Variants in BRD7 observed in about 807,000 individuals in gnomAD.
The protein encoded by BRD7 is bromodomain containing 7.
BRD7 carries 15 observed loss-of-function variants against 82.1 expected under a neutral mutation model. That is an observed-to-expected ratio of 0.18 (90% CI 0.12 to 0.28). BRD7 has a LOEUF of 0.28. Ranked by LOEUF, BRD7 falls within the 10% of genes least tolerant of loss-of-function variation. BRD7 has a pLI of 1.00. For missense variants in BRD7, 638 were observed against 779.9 expected, an observed-to-expected ratio of 0.82 and a Z score of 2.17; for synonymous variants, 232 against 266.9, an observed-to-expected ratio of 0.87 and a Z score of 1.27.
chr16:50,357,281 T>G (rs2038772449), intron 2 of BRD7, among the ~76,000 whole-genome samples: 1 of 152,188 alleles, frequency 6.6e-6, no homozygotes, highest in African/African-American at 2.4e-5. Flanking sequence ...GATCTAGAGC[T>G]CTGCACTCTA....
chr16:50,346,866 T>C (rs1178251446), intron 5 of BRD7, among the ~76,000 whole-genome samples: 4 of 152,228 alleles, frequency 2.6e-5, no homozygotes, highest in Non-Finnish European at 5.9e-5. Flanking sequence ...TCTGAAACTA[T>C]TCCAATCAAT....
At chr16:50,362,151 T>C (rs2038958084) in intron 2 of BRD7, among the ~76,000 whole-genome samples, 1 of 152,190 alleles carries the variant, frequency 6.6e-6, no homozygotes, top group Non-Finnish European at 1.5e-5. Flanking sequence ...CCAACTCAAA[T>C]GCTGCTTCTT....
At chr16:50,327,427 T>G (rs1007165659) in intron 9 of BRD7, among the ~76,000 whole-genome samples, 2 of 152,222 alleles carry the variant, frequency 1.3e-5, no homozygotes, top group African/African-American at 4.8e-5. Flanking sequence ...GAAAGAGCAA[T>G]GTTCTCAATC....
At chr16:50,339,555 T>C (rs1432953652) in intron 6 of BRD7, among the ~76,000 whole-genome samples, 2 of 152,202 alleles carry the variant, frequency 1.3e-5, no homozygotes, top group African/African-American at 4.8e-5. Flanking sequence ...GTATATACAG[T>C]ATTATGCAGC....
At chr16:50,349,981 G>C in intron 5 of BRD7, 42 bp downstream of exon 5, 1 of 1,460,202 alleles carries the variant, frequency 6.8e-7, no homozygotes, top group Non-Finnish European at 9.1e-7. Context: ...CAGACATGCA[G>C]ATTTCTACCA....
At chr16:50,331,850 A>AC (rs758725372) in intron 8 of BRD7, among the ~76,000 whole-genome samples, 10 of 152,224 alleles carry the variant, frequency 6.6e-5, no homozygotes, top group African/African-American at 2.2e-4. Context: ...CATACATACA[A>AC]CCGACTGATC....
intron 7 of BRD7, among the ~76,000 whole-genome samples, chr16:50,334,000 T>C (rs888646849): frequency 1.3e-5 from 2 of 152,244 alleles, no homozygotes; most frequent in African/African-American, 2.4e-5. Context: ...GAGAACAATA[T>C]ACCATTGTTC....
At chr16:50,320,477 T>A in intron 14 of BRD7, 86 bp from the exon 15 acceptor site, 1 of 1,543,376 alleles carries the variant, frequency 6.5e-7, no homozygotes, top group Non-Finnish European at 8.8e-7. Flanking sequence ...TAATTATTGG[T>A]TAGCCTTCTC....
At chr16:50,368,576 G>A (rs2039246562) in intron 1 of BRD7, 150 bp downstream of exon 1, 1 of 815,710 alleles carries the variant, frequency 1.2e-6, no homozygotes, top group Non-Finnish European at 1.8e-6. Context: ...ACGGGGGGCA[G>A]CGCGGCCTCC....
intron 11 of BRD7, among the ~76,000 whole-genome samples, chr16:50,324,887 G>T (rs1344977616): frequency 6.6e-6 from 1 of 152,184 alleles, no homozygotes; most frequent in African/African-American, 2.4e-5. Context: ...GGCTGGTGAG[G>T]TCTAAAAGAT....
At chr16:50,349,726 T>C (rs1012615426) in intron 5 of BRD7, 13 of 423,668 alleles carry the variant, frequency 3.1e-5, no homozygotes, top group African/African-American at 8.4e-5. Flanking sequence ...TTTACTTGTA[T>C]TGATCTAAGC....
chr16:50,360,313 T>A (rs187509536), intron 2 of BRD7, among the ~76,000 whole-genome samples: 1 of 152,250 alleles, frequency 6.6e-6, no homozygotes, highest in African/African-American at 2.4e-5. Flanking sequence ...TAGTAATAAG[T>A]ACTGTCCTTC....
At chr16:50,319,742 T>C in intron 16 of BRD7, 145 bp downstream of exon 16, 3 of 992,288 alleles carry the variant, frequency 3.0e-6, no homozygotes, top group Admixed American at 4.9e-5. Context: ...ACCTTTTATG[T>C]TAGGGACTTG....
chr16:50,339,843 T>C (rs1223960801), intron 6 of BRD7, 133 bp downstream of exon 6: 7 of 437,526 alleles, frequency 1.6e-5, no homozygotes, highest in Non-Finnish European at 2.8e-5. Flanking sequence ...ATTTAGTATT[T>C]TCTACTTTAT....
intron 2 of BRD7, among the ~76,000 whole-genome samples, chr16:50,361,198 T>C (rs184291702): frequency 6.6e-6 from 1 of 152,362 alleles, no homozygotes; most frequent in Non-Finnish European, 1.5e-5. Flanking sequence ...GGATGTTAGT[T>C]ATGAGTCTGC....
At chr16:50,345,649 A>G (rs1189595699) in intron 5 of BRD7, among the ~76,000 whole-genome samples, 2 of 152,070 alleles carry the variant, frequency 1.3e-5, no homozygotes, top group African/African-American at 4.8e-5. Flanking sequence ...CTTTAAACCA[A>G]CAAAGATCAA....
chr16:50,352,205 T>C (rs1036038815), intron 4 of BRD7, among the ~76,000 whole-genome samples: 5 of 152,224 alleles, frequency 3.3e-5, no homozygotes, highest in African/African-American at 1.2e-4. Flanking sequence ...ATGGGTAATG[T>C]GCTGATGTTG....
chr16:50,338,205 G>C (rs892800121), intron 6 of BRD7, among the ~76,000 whole-genome samples: 10 of 152,158 alleles, frequency 6.6e-5, no homozygotes, highest in Admixed American at 1.3e-4. Flanking sequence ...TAGATTCTGA[G>C]AGTCTTCCTG....
intron 9 of BRD7, among the ~76,000 whole-genome samples, chr16:50,327,970 C>T (rs2037408815): frequency 1.3e-5 from 2 of 151,676 alleles, no homozygotes; most frequent in South Asian, 2.1e-4. Context: ...TATTCATTTT[C>T]GTATTTCCAA....
Sources: gnomAD v4.1 joint callset for allele counts (sites outside exome capture counted in the v4.1 genomes callset) on GRCh38, gnomAD v4.1.1 for gene constraint, MANE v1.5 for transcripts, NCBI Gene and HGNC (gene_info 2026-07-23, HGNC 2026-07-21) for gene names.